The following TFCP2L1 variants were observed in gnomAD, a reference collection of about 807,000 sequenced individuals.
TFCP2L1 encodes the protein transcription factor CP2 like 1.
A neutral mutation model predicts 72.2 loss-of-function variants in TFCP2L1; 12 were observed. The ratio of observed to expected loss-of-function variants is 0.17; its 90% confidence interval spans 0.11 to 0.27. TFCP2L1 has a LOEUF of 0.27. Ranked by LOEUF, TFCP2L1 falls within the 10% of genes least tolerant of loss-of-function variation. The pLI is 1.00. For missense variants in TFCP2L1, 488 were observed against 624.6 expected (o/e 0.78, Z 2.33); for synonymous variants, 260 against 251.0 (o/e 1.04, Z -0.34).
Position 121,237,955 on chromosome 2 carries a change from T to C in TFCP2L1, c.861-105A>G, listed in dbSNP as rs994545762. ...CTTTTACTTCCTATCAGATGCAGGATTTGTTCTAAGTGAAATGAGTCCTCA... is the reference window on the plus strand; with the variant it reads ...CTTTTACTTCCTATCAGATGCAGGACTTGTTCTAAGTGAAATGAGTCCTCA... On this transcript the variant is annotated intron_variant, in intron 8 of 14. Transcript: ENST00000263707. 10 of 1,253,808 alleles carry C rather than the reference T, an allele frequency of 8.0e-6. No individual in the cohort carries two copies. The Admixed American group carries it at 1.5e-4, about 18-fold the overall frequency. The allele number at this position is 1,253,808 out of a possible 1,614,324, so 77.7% of individuals were successfully genotyped here. A position where few individuals can be genotyped will look rare whatever the true frequency, so the allele number is the denominator to read the frequency against.
intron 2 of TFCP2L1, among the ~76,000 whole-genome samples, chr2:121,253,541 G>A (rs2104713999): frequency 6.6e-6 from 1 of 152,248 alleles, no homozygotes; most frequent in South Asian, 2.1e-4. Context: ...CTAGCATGAG[G>A]CCCAATGTCC....
intron 2 of TFCP2L1, among the ~76,000 whole-genome samples, chr2:121,269,221 G>A (rs763037444): frequency 1.1e-4 from 17 of 151,670 alleles, no homozygotes; most frequent in Non-Finnish European, 2.4e-4. Context: ...CTGAGGCGGG[G>A]GTGGATGGCT....
At chr2:121,239,501 A>C in intron 8 of TFCP2L1, 57 bp downstream of exon 8, 1 of 1,589,974 alleles carries the variant, frequency 6.3e-7, no homozygotes. Context: ...AGACTAAGAA[A>C]GGAAAGTACA....
chr2:121,258,281 G>A (rs1229252004), intron 2 of TFCP2L1, among the ~76,000 whole-genome samples: 17 of 152,086 alleles, frequency 1.1e-4, no homozygotes, highest in Admixed American at 6.5e-4. Flanking sequence ...CAGCCTATGG[G>A]GCACTTTGGT....
chr2:121,274,363 C>T (rs1474556973), intron 2 of TFCP2L1, among the ~76,000 whole-genome samples: 2 of 152,146 alleles, frequency 1.3e-5, no homozygotes, highest in South Asian at 4.1e-4. Context: ...TGAGTCCTGA[C>T]GTGACCCCAC....
chr2:121,236,687 G>A (rs1274805804), intron 10 of TFCP2L1, among the ~76,000 whole-genome samples: 1 of 151,154 alleles, frequency 6.6e-6, no homozygotes, highest in Non-Finnish European at 1.5e-5. Flanking sequence ...GTGTCCCTTG[G>A]TGCCTCTCTG....
At position 121,246,975 on chromosome 2, in the gene TFCP2L1, GA is replaced by G; in HGVS notation, c.505-6del. On this transcript the variant is annotated splice_region_variant and splice_polypyrimidine_tract_variant and intron_variant, in intron 5 of 14. Coordinates refer to ENST00000263707, the MANE Select transcript of TFCP2L1 (RefSeq NM_014553.3). Reference sequence around the variant, plus strand: ...TTCTGTGCTGATGCAGTGTACCTGGGAGGAGAAACGTTGGGCAGGTGGCAAG... The same window carrying G: ...TTCTGTGCTGATGCAGTGTACCTGGGGGAGAAACGTTGGGCAGGTGGCAAG... 1 of 1,614,086 alleles carries G rather than the reference GA, an allele frequency of 6.2e-7. No individual in the cohort carries two copies.
rs189637888 is a variant in TFCP2L1, at chr2:121,242,315, T to C, written c.768+44A>G. ...TCTAAACCAGCAGCCCTGCTCCTGG[T>C]GGAAGACCCTTGGAGGCTCTGTCCC... On this transcript the variant is annotated intron_variant, in intron 7 of 14. Transcript: ENST00000263707. 515 of 1,554,992 alleles carry C rather than the reference T, an allele frequency of 3.3e-4. 1 individual carries two copies. The African/African-American group carries it at 6.5e-3, about 20-fold the overall frequency.
At position 121,237,643 on chromosome 2, in the gene TFCP2L1, C is replaced by A; in HGVS notation, c.983G>T (p.Arg328Leu). 3 of 1,614,170 alleles carry A rather than the reference C, an allele frequency of 1.9e-6. No individual in the cohort carries two copies. Among genetic ancestry groups the A allele is most frequent in the Non-Finnish European group, 2.5e-6 (3 of 1,180,042 alleles). Residue 328 changes from arginine to leucine, a missense_variant, in exon 10 of 15, where the codon CGG becomes CTG. By Grantham distance (102) the Arg-to-Leu change is moderately radical (BLOSUM62 -2). This residue lies in a region of TFCP2L1 where 286 missense variants were observed against 329.0 expected (regional missense o/e 0.87). Transcript: ENST00000263707. ...CTCACCTGAGAAGCTGGCAAAGAGC[C>A]GGCAGAACTGCGAGAACCTGTTGCG... ...LHRNRFSQFCRLFASFSGADL... is the reference protein window; with the variant it reads ...LHRNRFSQFCLLFASFSGADL...
intron 8 of TFCP2L1, among the ~76,000 whole-genome samples, chr2:121,238,962 T>C (rs1410482227): frequency 6.6e-6 from 1 of 152,074 alleles, no homozygotes; most frequent in African/African-American, 2.4e-5. Context: ...CCTCCACCCC[T>C]GCTGCCAGCA....
At chr2:121,233,209 C>T (rs1686179887) in intron 12 of TFCP2L1, among the ~76,000 whole-genome samples, 1 of 151,834 alleles carries the variant, frequency 6.6e-6, no homozygotes, top group East Asian at 1.9e-4. Context: ...TTTTTTTTTC[C>T]TGAGACAGAG....
chr2:121,244,096 T>G (rs1481614248), intron 6 of TFCP2L1, among the ~76,000 whole-genome samples: 1 of 152,106 alleles, frequency 6.6e-6, no homozygotes, highest in African/African-American at 2.4e-5. Flanking sequence ...CTGGCTTCCC[T>G]GCTCCACCTC....
intron 2 of TFCP2L1, among the ~76,000 whole-genome samples, chr2:121,275,177 G>C (rs995131440): frequency 1.3e-5 from 2 of 152,046 alleles, no homozygotes; most frequent in Admixed American, 6.5e-5. Flanking sequence ...CAGTTCAGGA[G>C]ATCGAGACCA....
intron 2 of TFCP2L1, among the ~76,000 whole-genome samples, chr2:121,268,005 T>C (rs79288407): frequency 0.035 from 5,316 of 152,218 alleles, 150 homozygotes; most frequent in East Asian, 0.14. Context: ...CTATAAAATA[T>C]ATGTTAGCCA....
intron 2 of TFCP2L1, among the ~76,000 whole-genome samples, chr2:121,272,922 T>C (rs997660577): frequency 6.6e-6 from 1 of 152,176 alleles, no homozygotes; most frequent in Non-Finnish European, 1.5e-5. Flanking sequence ...CTAGGTCAGA[T>C]ATCTGGTCTA....
chr2:121,270,076 G>T (rs2104750006), intron 2 of TFCP2L1, among the ~76,000 whole-genome samples: 1 of 151,900 alleles, frequency 6.6e-6, no homozygotes, highest in Admixed American at 6.6e-5. Context: ...AGAAAAATGG[G>T]TAATCACATG....
chr2:121,258,978 T>C (rs1226942039), intron 2 of TFCP2L1, among the ~76,000 whole-genome samples: 5 of 152,150 alleles, frequency 3.3e-5, no homozygotes, highest in Non-Finnish European at 7.3e-5. Context: ...TCGGGCGCGG[T>C]GGCTCACACC....
intron 2 of TFCP2L1, among the ~76,000 whole-genome samples, chr2:121,274,433 T>A (rs1687106882): frequency 6.6e-6 from 1 of 152,220 alleles, no homozygotes; most frequent in Non-Finnish European, 1.5e-5. Flanking sequence ...ACACAAGCTT[T>A]GTTTTATAAA....
At chr2:121,241,180 G>C (rs750231611) in intron 7 of TFCP2L1, among the ~76,000 whole-genome samples, 4 of 152,210 alleles carry the variant, frequency 2.6e-5, no homozygotes, top group Non-Finnish European at 5.9e-5. Flanking sequence ...TAAAAAAGGA[G>C]GCACTAGCTG....
Sources: allele counts gnomAD v4.1 joint callset (sites outside exome capture counted in the v4.1 genomes callset), GRCh38; gene constraint gnomAD v4.1.1; regional missense constraint gnomAD v4.1.1; transcripts MANE v1.5; gene names NCBI Gene and HGNC (gene_info 2026-07-23, HGNC 2026-07-21).